KLHL31: variants seen among roughly 807,000 people sequenced by gnomAD.
The protein encoded by KLHL31 is kelch-like protein 31.
In KLHL31, 32 loss-of-function variants were observed where a neutral mutation model predicts 47.1. That is an observed-to-expected ratio of 0.68 (90% confidence interval 0.51 to 0.91). KLHL31 has a LOEUF of 0.91. Among genes scored for constraint, KLHL31 ranks in the 40% least tolerant of loss-of-function variants. KLHL31 has a pLI of 0.00. For missense variants in KLHL31, 797 were observed against 819.3 expected, an observed-to-expected ratio of 0.97 and a Z score of 0.33; for synonymous variants, 330 against 325.1, an observed-to-expected ratio of 1.01 and a Z score of -0.16.
In KLHL31 at chr6:53,651,464, G is replaced by A. The variant is rs1764463699; in HGVS notation, c.*134C>T. 1.0e-5 allele frequency: 6 copies of A among 592,272 alleles called. No homozygotes were observed. The highest frequency in any genetic ancestry group is 6.9e-4 in the Middle Eastern group (1 of 1,450). 36.7% of individuals were successfully genotyped at this position (592,272 alleles called of 1,614,324 possible). A position where few individuals can be genotyped will look rare whatever the true frequency, so the allele number is the denominator to read the frequency against. The stretch of plus-strand genomic sequence containing the variant: ...CAGGAATTTAAAGCCATCAGGACAT[G>A]TGCCTCGACATATTTTACAATACAA... On this transcript the variant is annotated 3_prime_UTR_variant, in exon 3 of 3. Coordinates refer to ENST00000370905, the MANE Select transcript of KLHL31 (RefSeq NM_001003760.5).
intron 2 of KLHL31, 84 bp from the exon 3 acceptor site, chr6:53,652,414 C>T (rs946688875): frequency 6.4e-7 from 1 of 1,551,088 alleles, no homozygotes; most frequent in Non-Finnish European, 8.8e-7. Flanking sequence ...AGTGGGAAGC[C>T]TGACACTACC....
Position 53,655,189 on chromosome 6 carries a change from G to GT in KLHL31, c.83dup (p.Asn28LysfsTer17), listed in dbSNP as rs748349065. The GT allele has an allele frequency of 1.2e-6, 2 of 1,613,572 alleles. No individual in the cohort carries two copies. The highest frequency in any genetic ancestry group is 1.1e-5 in the South Asian group (1 of 90,930). ...GGAGCCCATTCAAAGCATTCAGTTT[G>GT]TTTAGGGGGCTATCTTCTACGATTA... On this transcript the variant is annotated frameshift_variant, in exon 2 of 3. Transcript: ENST00000370905. LOFTEE classifies it high-confidence loss of function.
chr6:53,657,370 C>T (rs1023700561), intron 1 of KLHL31, among the ~76,000 whole-genome samples: 8 of 152,146 alleles, frequency 5.3e-5, no homozygotes, highest in African/African-American at 1.9e-4. Context: ...AAGCCAGCTC[C>T]AACATAACAC....
chr6:53,664,650 C>T (rs1764693570), intron 1 of KLHL31, among the ~76,000 whole-genome samples: 1 of 152,218 alleles, frequency 6.6e-6, no homozygotes, highest in African/African-American at 2.4e-5. Context: ...GAACATTTTC[C>T]TTCCCACTGC....
chr6:53,653,159 G>A (rs903661441), intron 2 of KLHL31, among the ~76,000 whole-genome samples: 2 of 152,196 alleles, frequency 1.3e-5, no homozygotes, highest in African/African-American at 4.8e-5. Context: ...GTGAACTGAT[G>A]CTTTCCTGTT....
chr6:53,654,882 C>T lies in KLHL31; in HGVS notation c.391G>A (p.Gly131Arg). 6.2e-7 allele frequency: 1 copy of T among 1,614,136 alleles called. No homozygotes were observed. The highest frequency in any genetic ancestry group is 1.1e-5 in the South Asian group (1 of 91,078). Residue 131 changes from glycine (G) to arginine (R), a missense_variant, in exon 2 of 3, where the codon GGA (glycine) becomes AGA (arginine). Gly to Arg is a moderately radical substitution (Grantham distance 125). Coordinates refer to ENST00000370905, the MANE Select transcript of KLHL31 (RefSeq NM_001003760.5). ...LATVIAYAYT[G>R]KLTLSLYTIG... ...GTATACAAGGAGAGAGTGAGCTTTC[C>T]AGTGTAGGCATATGCAATGACAGTG...
chr6:53,659,189 G>A (rs892391035), intron 1 of KLHL31, among the ~76,000 whole-genome samples: 1 of 152,206 alleles, frequency 6.6e-6, no homozygotes, highest in Non-Finnish European at 1.5e-5. Flanking sequence ...ACAGTCATGA[G>A]GTGCAGGAGG....
intron 1 of KLHL31, among the ~76,000 whole-genome samples, chr6:53,657,982 A>C (rs1307796417): frequency 6.6e-6 from 1 of 152,140 alleles, no homozygotes; most frequent in African/African-American, 2.4e-5. Flanking sequence ...CCTTGTGAAA[A>C]TAGATTATGA....
intron 1 of KLHL31, among the ~76,000 whole-genome samples, chr6:53,658,279 A>AT (rs5876321): frequency 0.99 from 148,704 of 150,436 alleles, 73,523 homozygotes; most frequent in Middle Eastern, 1. Flanking sequence ...TCCTGTGGCC[A>AT]TTTTTTTTTA....
At chr6:53,657,744 G>A (rs1221277760) in intron 1 of KLHL31, among the ~76,000 whole-genome samples, 1 of 151,812 alleles carries the variant, frequency 6.6e-6, no homozygotes, top group Admixed American at 6.6e-5. Context: ...TGGTGTATGT[G>A]TTAAAGTAAT....
chr6:53,656,977 G>A (rs1221832867), intron 1 of KLHL31, among the ~76,000 whole-genome samples: 2 of 116,216 alleles, frequency 1.7e-5, no homozygotes, highest in African/African-American at 6.6e-5. Flanking sequence ...CTATCACCCA[G>A]GCTAGAGTGT....
chr6:53,652,863 C>T (rs1433920721), intron 2 of KLHL31, among the ~76,000 whole-genome samples: 1 of 152,204 alleles, frequency 6.6e-6, no homozygotes, highest in Non-Finnish European at 1.5e-5. Context: ...CTTAATCCTA[C>T]ACCTCTCTTG....
intron 2 of KLHL31, 34 bp downstream of exon 2, chr6:53,654,067 G>A: frequency 6.6e-7 from 1 of 1,518,162 alleles, no homozygotes; most frequent in South Asian, 1.3e-5. Context: ...CTATAATATT[G>A]AGCCATTTCA....
In KLHL31 at chr6:53,655,010, T is replaced by C; in HGVS notation, c.263A>G (p.Lys88Arg). 1 of 1,614,180 alleles carries C rather than the reference T, an allele frequency of 6.2e-7. No individual in the cohort carries two copies. The highest frequency in any genetic ancestry group is 2.2e-5 in the East Asian group (1 of 44,884). Residue 88 changes from lysine to arginine, a missense_variant, in exon 2 of 3, where the codon AAG becomes AGG. Lys to Arg is a conservative substitution (Grantham distance 26). Transcript: ENST00000370905. ...CTCACTGCATGAAGCCATGACTGAC[T>C]TATGAACATCAAAGGATTTGGTTTT... is the stretch of plus-strand genomic sequence containing the variant. ...GTKTKSFDVH[K>R]SVMASCSEYF...
intron 1 of KLHL31, among the ~76,000 whole-genome samples, chr6:53,663,149 C>T (rs1266100775): frequency 6.6e-6 from 1 of 152,216 alleles, no homozygotes; most frequent in Non-Finnish European, 1.5e-5. Context: ...AATTCAAACC[C>T]ATGGAAACCC....
intron 1 of KLHL31, among the ~76,000 whole-genome samples, chr6:53,658,559 GA>G (rs1422517133): frequency 6.6e-6 from 1 of 152,080 alleles, no homozygotes; most frequent in Non-Finnish European, 1.5e-5. Context: ...TCAGTTACTA[GA>G]TAATAGACCG....
In KLHL31 at chr6:53,651,452, C is replaced by T. The variant is rs7742863; in HGVS notation, c.*146G>A. On this transcript the variant is annotated 3_prime_UTR_variant, in exon 3 of 3. Coordinates refer to ENST00000370905, the MANE Select transcript of KLHL31 (RefSeq NM_001003760.5). ...ATTATGCCATACCAGGAATTTAAAG[C>T]CATCAGGACATGTGCCTCGACATAT... is the stretch of plus-strand genomic sequence containing the variant. 620 of 456,642 alleles carry T rather than the reference C, an allele frequency of 1.4e-3. 2 individuals carry two copies. Among genetic ancestry groups the T allele is most frequent in the African/African-American group, 0.012 (548 of 46,832 alleles). The allele number at this position is 456,642 out of a possible 1,614,324, so 28.3% of individuals were successfully genotyped here.
chr6:53,662,985 A>T (rs1396717315), intron 1 of KLHL31, among the ~76,000 whole-genome samples: 1 of 152,198 alleles, frequency 6.6e-6, no homozygotes, highest in Non-Finnish European at 1.5e-5. Flanking sequence ...TAAGCACTTT[A>T]CATCATTTTA....
chr6:53,654,108 A>C lies in KLHL31; in HGVS notation c.1165T>G (p.Phe389Val). 1 of 1,598,440 alleles carries C rather than the reference A, an allele frequency of 6.3e-7. No homozygotes were observed. The change falls in exon 2 of 3, where the codon TTC (phenylalanine) becomes GTC (valine). Residue 389 changes from phenylalanine (F) to valine (V), a missense_variant. Transcript: ENST00000370905. ...RNQAKHAVSN[F>V]CRYDPRFNTW... ...TAATAAAAGATCAAGTACCTGCAGA[A>C]ATTGCTGACTGCATGCTTGGCTTGA...
Sources: gnomAD v4.1 joint callset for allele counts (sites outside exome capture counted in the v4.1 genomes callset) on GRCh38, gnomAD v4.1.1 for gene constraint, MANE v1.5 for transcripts, NCBI Gene and HGNC (gene_info 2026-07-23, HGNC 2026-07-21) for gene names.